LAMB3: variants seen among roughly 807,000 people sequenced by gnomAD.
The protein encoded by LAMB3 is laminin subunit beta 3.
Under a neutral mutation model 140.3 loss-of-function variants are expected in LAMB3, and 104 were observed. The ratio of observed to expected loss-of-function variants is 0.74; its 90% CI spans 0.63 to 0.87. The LOEUF is 0.87. Among genes scored for constraint, LAMB3 ranks in the 40% least tolerant of loss-of-function variants. The probability of loss-of-function intolerance (pLI) is 0.00; values close to 1 mark genes in which losing one functional copy is unlikely to be tolerated. For synonymous variants in LAMB3, 592 were observed against 602.9 expected, an observed-to-expected ratio of 0.98 and a Z score of 0.26; for missense variants, 1,531 against 1,575.2, an observed-to-expected ratio of 0.97 and a Z score of 0.47.
At chr1:209,626,844 T>G in intron 13 of LAMB3, 23 bp downstream of exon 13, 1 of 1,581,500 alleles carries the variant, frequency 6.3e-7, no homozygotes, top group Non-Finnish European at 8.7e-7. Flanking sequence ...AGCCTCAGCG[T>G]CCCCCAGGCT....
At chr1:209,621,936 C>T (rs1158871629) in intron 18 of LAMB3, among the ~76,000 whole-genome samples, 1 of 152,194 alleles carries the variant, frequency 6.6e-6, no homozygotes, top group Non-Finnish European at 1.5e-5. Flanking sequence ...AGTGACAATC[C>T]ACTTGTTGAC....
rs148132823 is a variant in LAMB3 at position 209,635,679 on chromosome 1, A to G, written c.373-1041T>C. Among the ~76,000 whole-genome samples the G allele has an allele frequency of 2.6e-5, 4 of 152,276 alleles. 1 individual carries two copies. Among genetic ancestry groups the G allele is most frequent in the African/African-American group, 9.6e-5 (4 of 41,544 alleles). The stretch of plus-strand genomic sequence containing the variant: ...CGGCCTCCCAACGTGCTGAGATTGC[A>G]GGTGTGAGCCACTGTGCCCAGCTAA... On this transcript the variant is annotated intron_variant, in intron 5 of 22. Coordinates refer to ENST00000356082, the MANE Select transcript of LAMB3 (RefSeq NM_000228.3).
In LAMB3 at chr1:209,634,202, C is replaced by T. The variant is rs188411030; in HGVS notation, c.564+245G>A. On this transcript the variant is annotated intron_variant, in intron 6 of 22. Coordinates refer to ENST00000356082, the MANE Select transcript of LAMB3 (RefSeq NM_000228.3). ...TCACGGGGGAGGGGGCTGTGGAAGA[C>T]GGCAGGGGTGAGTAATGCGGTGGCC... Among the ~76,000 whole-genome samples, 1,309 of 152,034 alleles carry T rather than the reference C, an allele frequency of 8.6e-3. 14 individuals are homozygous for T. Among genetic ancestry groups the T allele is most frequent in the South Asian group, 0.022 (108 of 4,820 alleles).
At position 209,623,860 on chromosome 1, in the gene LAMB3, A is replaced by G; in HGVS notation, c.2117T>C (p.Ile706Thr). 2 of 1,614,092 alleles carry G rather than the reference A, an allele frequency of 1.2e-6. No individual in the cohort carries two copies. The highest frequency in any genetic ancestry group is 1.1e-5 in the South Asian group (1 of 91,076). ...CTCACCTGAAGGATCAGCACTGCTTATTTTTTCAAACTGCTCCCTCTTCCT... is the reference window on the plus strand; with the variant it reads ...CTCACCTGAAGGATCAGCACTGCTTGTTTTTTCAAACTGCTCCCTCTTCCT... ...YQRKREQFEKISSADPSGAFR... is the reference protein window; with the variant it reads ...YQRKREQFEKTSSADPSGAFR... Residue 706 changes from isoleucine (I) to threonine (T), a missense_variant, in exon 15 of 23, where the codon ATA becomes ACA. By Grantham distance (89) the Ile-to-Thr change is moderately conservative (BLOSUM62 -1). Coordinates refer to ENST00000356082, the MANE Select transcript of LAMB3 (RefSeq NM_000228.3). The surrounding 1 kb of genome is among the most constrained non-coding windows in gnomAD (Gnocchi z 4.2).
At chr1:209,645,417 A>C (rs12089972) in intron 3 of LAMB3, among the ~76,000 whole-genome samples, 5,572 of 152,234 alleles carry the variant, frequency 0.037, 370 homozygotes, top group East Asian at 0.3. Flanking sequence ...TCTGGGAAAC[A>C]AAAAAGCAGA....
intron 10 of LAMB3, among the ~76,000 whole-genome samples, chr1:209,628,444 TC>T (rs1231169325): frequency 1.3e-5 from 2 of 152,218 alleles, no homozygotes; most frequent in Non-Finnish European, 2.9e-5. Flanking sequence ...ATGCCTGTAA[TC>T]CCAGCACTTT....
At position 209,615,372 on chromosome 1, in the gene LAMB3, T is replaced by G. The variant is rs1398440303; in HGVS notation, c.3418A>C (p.Ile1140Leu). 6.2e-7 allele frequency: 1 copy of G among 1,611,206 alleles called. No individual in the cohort carries two copies. The highest frequency in any genetic ancestry group is 8.5e-7 in the Non-Finnish European group (1 of 1,178,150). ...ELELLRGSQA[I>L]MLRSADLTGL... ...GTCAGGTCCGCTGAGCGCAGCATGATGGCCTGGCTGCCCCGCAGCAGCTCC... is the reference window on the plus strand; with the variant it reads ...GTCAGGTCCGCTGAGCGCAGCATGAGGGCCTGGCTGCCCCGCAGCAGCTCC... Residue 1140 changes from isoleucine (I) to leucine (L), a missense_variant, in exon 23 of 23, where the codon ATC becomes CTC. Ile to Leu is a conservative substitution (Grantham distance 5). Coordinates refer to ENST00000356082, the MANE Select transcript of LAMB3 (RefSeq NM_000228.3).
intron 18 of LAMB3, among the ~76,000 whole-genome samples, chr1:209,620,128 C>T (rs538809633): frequency 6.6e-6 from 1 of 152,272 alleles, no homozygotes; most frequent in Non-Finnish European, 1.5e-5. Context: ...CAGGGTCAAT[C>T]GGTATGACAT....
chr1:209,641,066 G>A (rs1226845704), intron 3 of LAMB3, among the ~76,000 whole-genome samples: 26 of 127,848 alleles, frequency 2.0e-4, no homozygotes, highest in Middle Eastern at 6.6e-3. Context: ...CTGGGCAACA[G>A]AGCGAGACTC....
intron 22 of LAMB3, 93 bp from the exon 23 acceptor site, chr1:209,615,500 A>G: frequency 7.0e-7 from 1 of 1,427,466 alleles, no homozygotes; most frequent in Non-Finnish European, 9.4e-7. Flanking sequence ...AACTGGAGGT[A>G]GCATGTGTAG....
At chr1:209,632,932 G>A in intron 7 of LAMB3, 138 bp downstream of exon 7, 4 of 1,006,624 alleles carry the variant, frequency 4.0e-6, no homozygotes, top group Non-Finnish European at 6.3e-6. Context: ...TATCCCTATG[G>A]GGCAAGCAGG....
intron 10 of LAMB3, 54 bp downstream of exon 10, chr1:209,629,683 G>A (rs1666601691): frequency 1.3e-6 from 2 of 1,531,316 alleles, no homozygotes; most frequent in Middle Eastern, 1.7e-4. Flanking sequence ...GTACCCAGAG[G>A]AGATGGGGAG....
At chr1:209,638,400 T>C in intron 4 of LAMB3, 134 bp downstream of exon 4, 1 of 712,986 alleles carries the variant, frequency 1.4e-6, no homozygotes, top group Admixed American at 2.0e-5. Flanking sequence ...GCAGAAAGAT[T>C]CTTCTTATCA....
intron 13 of LAMB3, among the ~76,000 whole-genome samples, chr1:209,626,271 C>A (rs762452451): frequency 7.9e-5 from 12 of 152,216 alleles, no homozygotes; most frequent in Non-Finnish European, 1.3e-4. Flanking sequence ...ATCTTCACAC[C>A]ACTCTGGGAA....
chr1:209,645,099 G>T (rs2076504435), intron 3 of LAMB3, among the ~76,000 whole-genome samples: 1 of 152,084 alleles, frequency 6.6e-6, no homozygotes, highest in African/African-American at 2.4e-5. Context: ...TAGGACCCAA[G>T]AATCTCACAT....
rs559820236 is a variant in LAMB3 at position 209,629,607 on chromosome 1, C to G, written c.1132+130G>C. The G allele has an allele frequency of 6.2e-5, 52 of 836,448 alleles. 1 individual carries two copies. In the South Asian group the frequency reaches 6.9e-4, roughly 11 times the overall value. The allele number at this position is 836,448 out of a possible 1,614,324, so 51.8% of individuals were successfully genotyped here. On this transcript the variant is annotated intron_variant, in intron 10 of 22. Transcript: ENST00000356082. ...AAATTAAAATAATCTCCCACAAATCCTGACTCACAGCCAAGTTTTCATGCT... is the reference window on the plus strand; with the variant it reads ...AAATTAAAATAATCTCCCACAAATCGTGACTCACAGCCAAGTTTTCATGCT...
rs1015461881 is a variant in LAMB3 at position 209,633,060 on chromosome 1, C to A, written c.628+10G>T. On this transcript the variant is annotated intron_variant, in intron 7 of 22. Transcript: ENST00000356082. Reference sequence around the variant, plus strand: ...ATAGTTCCATGGACAAGAGAAGTAACCACACTGACCTTGAATTTTTTGACT... The same window carrying A: ...ATAGTTCCATGGACAAGAGAAGTAAACACACTGACCTTGAATTTTTTGACT... 5 of 1,593,204 alleles carry A rather than the reference C, an allele frequency of 3.1e-6. No homozygotes were observed. Among genetic ancestry groups the A allele is most frequent in the Non-Finnish European group, 4.3e-6 (5 of 1,160,984 alleles).
At chr1:209,638,456 G>T (rs1057204747) in intron 4 of LAMB3, 78 bp downstream of exon 4, 12 of 945,934 alleles carry the variant, frequency 1.3e-5, no homozygotes, top group Non-Finnish European at 1.7e-5. Context: ...GAAACCCAAA[G>T]GGTTATAGGG....
intron 8 of LAMB3, among the ~76,000 whole-genome samples, chr1:209,631,110 T>A (rs948935008): frequency 6.6e-6 from 1 of 152,204 alleles, no homozygotes; most frequent in Non-Finnish European, 1.5e-5. Flanking sequence ...TCTGGAGATT[T>A]CTATTCCAAC....
Sources: gnomAD v4.1 joint callset for allele counts (sites outside exome capture counted in the v4.1 genomes callset) on GRCh38, gnomAD v4.1.1 for gene constraint, Gnocchi (gnomAD v3.1) non-coding constraint, MANE v1.5 for transcripts, NCBI Gene and HGNC (gene_info 2026-07-23, HGNC 2026-07-21) for gene names.